CELF2: variants seen among roughly 807,000 people sequenced by gnomAD.
CELF2 encodes the protein CUGBP Elav-like family member 2.
Under a neutral mutation model 62.6 loss-of-function variants are expected in CELF2, and 8 were observed. The ratio of observed to expected loss-of-function variants is 0.13; its 90% CI spans 0.07 to 0.23. The LOEUF (loss-of-function observed/expected upper bound fraction) is 0.23. CELF2 is among the 10% of genes least tolerant of loss of function. The probability of loss-of-function intolerance (pLI) is 1.00; values close to 1 mark genes in which losing one functional copy is unlikely to be tolerated. For missense variants in CELF2, 333 were observed against 671.0 expected (o/e 0.50, Z 5.56); for synonymous variants, 258 against 250.0 (o/e 1.03, Z -0.30).
chr10:10,813,268 T>C (rs2056114518), intron 1 of CELF2, among the ~76,000 whole-genome samples: 1 of 152,242 alleles, frequency 6.6e-6, no homozygotes, highest in African/African-American at 2.4e-5. Flanking sequence ...AGCGATTTTA[T>C]GACTGGTCCT....
At chr10:11,233,155 A>AT (rs2069503958) in intron 3 of CELF2, among the ~76,000 whole-genome samples, 1 of 152,216 alleles carries the variant, frequency 6.6e-6, no homozygotes, top group Non-Finnish European at 1.5e-5. Flanking sequence ...CCCAACACTG[A>AT]TTTTTAAAAG....
chr10:10,961,772 G>T (rs779348853), intron 2 of CELF2, among the ~76,000 whole-genome samples: 49 of 148,814 alleles, frequency 3.3e-4, no homozygotes, highest in South Asian at 6.4e-4. Context: ...AAAAAAAAAA[G>T]AAAAGAAAGT....
chr10:11,089,119 A>G (rs562154822), intron 1 of CELF2, among the ~76,000 whole-genome samples: 5 of 152,308 alleles, frequency 3.3e-5, no homozygotes, highest in Admixed American at 3.3e-4. Context: ...TGGTGACAAG[A>G]GTCCTAAGAG....
chr10:10,955,692 G>A (rs184981210), intron 2 of CELF2, among the ~76,000 whole-genome samples: 1 of 152,252 alleles, frequency 6.6e-6, no homozygotes, highest in East Asian at 1.9e-4. Flanking sequence ...AACCCAGATA[G>A]TCTGCCCCCA....
chr10:11,065,554 A>G (rs775751633), intron 1 of CELF2, among the ~76,000 whole-genome samples: 2 of 152,178 alleles, frequency 1.3e-5, no homozygotes, highest in East Asian at 3.9e-4. Flanking sequence ...TGATTTATCC[A>G]TGTCAAAATG....
intron 2 of CELF2, among the ~76,000 whole-genome samples, chr10:10,941,318 C>T (rs1216367448): frequency 6.6e-6 from 1 of 152,120 alleles, no homozygotes; most frequent in Non-Finnish European, 1.5e-5. Flanking sequence ...CTCTAGGCCT[C>T]CCTTGACCCT....
rs1360189635 is a variant in CELF2, at chr10:11,012,630, A to T, written c.53+7190A>T. ...GCTGTTCAGCTGTTGTAGTCTGTCA[A>T]GCGGTAATGTCTCCTTTTTCTAAAA... is the stretch of plus-strand genomic sequence containing the variant. On this transcript the variant is annotated intron_variant, in intron 1 of 12. Coordinates refer to the CELF2 transcript ENST00000416382. This position sits in a 1 kb window ranked among gnomAD's most constrained non-coding sequence, Gnocchi z 5.5. 2.0e-5 allele frequency among the ~76,000 whole-genome samples: 3 copies of T among 152,178 alleles called. No individual in the cohort carries two copies. Among genetic ancestry groups the T allele is most frequent in the Non-Finnish European group, 4.4e-5 (3 of 68,022 alleles).
rs183542663 is a variant in CELF2 at position 10,931,814 on chromosome 10, C to A, written c.89+11815C>A. ...CCCACAACTGAGTAATTTATAAAGA[C>A]ATGAGGTTTAATGGACTCACAGTTC... On this transcript the variant is annotated intron_variant, in intron 2 of 13. Transcript: ENST00000636488. This position sits in a 1 kb window ranked among gnomAD's most constrained non-coding sequence, Gnocchi z 6.1. 3.9e-5 allele frequency among the ~76,000 whole-genome samples: 6 copies of A among 152,288 alleles called. No homozygotes were observed. Among genetic ancestry groups the A allele is most frequent in the South Asian group, 2.1e-4 (1 of 4,822 alleles).
At chr10:10,753,665 G>A in the CELF2 span, among the ~76,000 whole-genome samples, 33 of 152,280 alleles carry the variant, frequency 2.2e-4, no homozygotes, top group African/African-American at 7.9e-4. Context: ...CAAGTCTTTT[G>A]AGAGAACTTA....
chr10:10,732,417 G>C, the CELF2 span, among the ~76,000 whole-genome samples: 1 of 151,898 alleles, frequency 6.6e-6, no homozygotes, highest in Non-Finnish European at 1.5e-5. Context: ...CCCTTAAAGC[G>C]CTAGGAGCTG....
At chr10:10,802,297 C>A (rs1006370821) in intron 1 of CELF2, among the ~76,000 whole-genome samples, 1 of 152,032 alleles carries the variant, frequency 6.6e-6, no homozygotes, top group African/African-American at 2.4e-5. Context: ...TGGTGAAACC[C>A]TGTCCCTACT....
the CELF2 span, among the ~76,000 whole-genome samples, chr10:10,568,407 A>G: frequency 6.6e-6 from 1 of 152,216 alleles, no homozygotes; most frequent in Non-Finnish European, 1.5e-5. Context: ...AATGAAGTTT[A>G]CAAAAGCATA....
chr10:11,147,873 C>T (rs1297475678), intron 1 of CELF2, among the ~76,000 whole-genome samples: 1 of 152,196 alleles, frequency 6.6e-6, no homozygotes, highest in Non-Finnish European at 1.5e-5. Flanking sequence ...AGCAGAGCCT[C>T]GCCTGGGCTC....
At chr10:10,506,196 T>C in the CELF2 span, among the ~76,000 whole-genome samples, 2 of 152,202 alleles carry the variant, frequency 1.3e-5, no homozygotes, top group East Asian at 1.9e-4. Context: ...AAAAAGATCA[T>C]TGGAGCTTCT....
chr10:10,582,900 A>C, the CELF2 span, among the ~76,000 whole-genome samples: 1 of 152,198 alleles, frequency 6.6e-6, no homozygotes, highest in Admixed American at 6.5e-5. Flanking sequence ...GAAGGAAGTG[A>C]TGGTTTCTTT....
At chr10:10,730,139 AT>A in the CELF2 span, among the ~76,000 whole-genome samples, 12 of 151,654 alleles carry the variant, frequency 7.9e-5, no homozygotes, top group Admixed American at 3.9e-4. Context: ...AAATCCTCTA[AT>A]TTTTTTTTCC....
intron 1 of CELF2, among the ~76,000 whole-genome samples, chr10:10,823,301 A>C (rs1172810071): frequency 6.6e-6 from 1 of 152,184 alleles, no homozygotes; most frequent in East Asian, 1.9e-4. Flanking sequence ...GTATCTGAAC[A>C]TTGTCTCACA....
chr10:10,552,496 C>G, the CELF2 span, among the ~76,000 whole-genome samples: 3 of 152,118 alleles, frequency 2.0e-5, no homozygotes, highest in African/African-American at 7.2e-5. Flanking sequence ...GTGGGTGGAT[C>G]CTATCTCCAG....
In CELF2 at chr10:11,270,787, T is replaced by A; in HGVS notation, c.740T>A (p.Leu247Gln). The A allele has an allele frequency of 6.5e-7, 1 of 1,531,118 alleles. No individual in the cohort carries two copies. Among genetic ancestry groups the A allele is most frequent in the Non-Finnish European group, 8.8e-7 (1 of 1,133,768 alleles). The allele number at this position is 1,531,118 out of a possible 1,614,324, so 94.8% of individuals were successfully genotyped here. Reference protein sequence around the residue: ...QQLNTATWGNLTGLGGLTPQY... With the variant: ...QQLNTATWGNQTGLGGLTPQY... Reference sequence around the variant, plus strand: ...CTCAACACTGCCACCTGGGGGAACCTGACAGGGCTGGGCGGACTGACCCCA... The same window carrying A: ...CTCAACACTGCCACCTGGGGGAACCAGACAGGGCTGGGCGGACTGACCCCA... The change falls in exon 7 of 13, where the codon CTG becomes CAG. Residue 247 changes from leucine to glutamine, a missense_variant. By Grantham distance (113) the Leu-to-Gln change is moderately radical. Transcript: ENST00000633077. The surrounding 1 kb of genome is among the most constrained non-coding windows in gnomAD (Gnocchi z 5.8).
Sources: allele counts gnomAD v4.1 joint callset (sites outside exome capture counted in the v4.1 genomes callset), GRCh38; gene constraint gnomAD v4.1.1; non-coding constraint Gnocchi (gnomAD v3.1); transcripts MANE v1.5; gene names NCBI Gene and HGNC (gene_info 2026-07-23, HGNC 2026-07-21).